Variants in ZNF236 observed in about 807,000 individuals in gnomAD.
The protein encoded by ZNF236 is regulated by glucose.
A neutral mutation model predicts 191.2 loss-of-function variants in ZNF236; 50 were observed. That is an observed-to-expected ratio of 0.26 (90% confidence interval 0.21 to 0.33). The LOEUF is 0.33. ZNF236 is among the 10% of genes least tolerant of loss of function. The probability of loss-of-function intolerance (pLI) is 1.00; values close to 1 mark genes in which losing one functional copy is unlikely to be tolerated. For synonymous variants in ZNF236, 907 were observed against 928.8 expected (o/e 0.98, Z 0.43); for missense variants, 1,754 against 2,374.5 (o/e 0.74, Z 5.43).
Position 76,899,131 on chromosome 18 carries a change from C to G in ZNF236, c.1803C>G (p.His601Gln), listed in dbSNP as rs781604429. Reference sequence around the variant, plus strand: ...ATACGGAATTAAGGAAAATGAGGCACCAGCGTAAACCTGCAAAGGTCCGTG... The same window carrying G: ...ATACGGAATTAAGGAAAATGAGGCAGCAGCGTAAACCTGCAAAGGTCCGTG... Reference protein sequence around the residue: ...FKHTELRKMRHQRKPAKVRVG... With the variant: ...FKHTELRKMRQQRKPAKVRVG... Residue 601 changes from histidine (H) to glutamine (Q), a missense_variant, in exon 11 of 31, where the codon CAC becomes CAG. His to Gln is a conservative substitution (Grantham distance 24). Around this residue, in one of 5 missense-constraint regions of ZNF236, gnomAD observed 641 missense variants for 869.6 expected, o/e 0.74. Transcript: ENST00000320610. 2.5e-6 allele frequency: 4 copies of G among 1,614,030 alleles called. No individual in the cohort carries two copies. In the Admixed American group the frequency reaches 5.0e-5, roughly 20 times the overall value.
intron 26 of ZNF236, among the ~76,000 whole-genome samples, chr18:76,943,566 A>G (rs537147307): frequency 3.4e-4 from 52 of 152,262 alleles, no homozygotes; most frequent in Non-Finnish European, 5.6e-4. Context: ...ATTATTACAG[A>G]TAATTGGTCA....
At chr18:76,847,671 G>A (rs185067898) in intron 1 of ZNF236, among the ~76,000 whole-genome samples, 94 of 152,090 alleles carry the variant, frequency 6.2e-4, no homozygotes, top group Non-Finnish European at 8.4e-4. Context: ...GGGTTTCACC[G>A]TGTTAGCCAG....
chr18:76,892,013 C>CA (rs1257787123), intron 9 of ZNF236, among the ~76,000 whole-genome samples: 1 of 151,778 alleles, frequency 6.6e-6, no homozygotes, highest in Non-Finnish European at 1.5e-5. Flanking sequence ...ACTTTAGTTC[C>CA]AAAAAACAAT....
At chr18:76,824,441 C>T (rs751345882) in intron 1 of ZNF236, 1 of 781,026 alleles carries the variant, frequency 1.3e-6, no homozygotes, top group East Asian at 2.4e-5. Flanking sequence ...CAGCAGTGCT[C>T]AGAATTTTGA....
intron 9 of ZNF236, among the ~76,000 whole-genome samples, chr18:76,889,144 C>T (rs1309023138): frequency 6.6e-6 from 1 of 152,210 alleles, no homozygotes; most frequent in Non-Finnish European, 1.5e-5. Context: ...GCTTTTGCTG[C>T]TGCTTTTATC....
At position 76,875,182 on chromosome 18, in the gene ZNF236, A is replaced by G. The variant is rs1976678994; in HGVS notation, c.668-310A>G. 6.6e-6 allele frequency among the ~76,000 whole-genome samples: 1 copy of G among 152,048 alleles called. No individual in the cohort carries two copies. Among genetic ancestry groups the G allele is most frequent in the Non-Finnish European group, 1.5e-5 (1 of 68,006 alleles). Reference sequence around the variant, plus strand: ...TATTATTGAGTGTGAGACGTGAGAGAAACCAAAGATAAGGATGACTCCAAG... The same window carrying G: ...TATTATTGAGTGTGAGACGTGAGAGGAACCAAAGATAAGGATGACTCCAAG... On this transcript the variant is annotated intron_variant, in intron 5 of 30. Transcript: ENST00000320610. This position sits in a 1 kb window ranked among gnomAD's most constrained non-coding sequence, Gnocchi z 4.3.
chr18:76,962,677 A>G (rs1279937747), intron 30 of ZNF236, among the ~76,000 whole-genome samples: 1 of 152,140 alleles, frequency 6.6e-6, no homozygotes, highest in Non-Finnish European at 1.5e-5. Context: ...TATTGATTCT[A>G]CCCAACCATG....
intron 3 of ZNF236, among the ~76,000 whole-genome samples, chr18:76,859,626 A>C (rs1195254020): frequency 6.6e-6 from 1 of 152,178 alleles, no homozygotes; most frequent in Non-Finnish European, 1.5e-5. Flanking sequence ...CAACCGTGGA[A>C]ACTTAGCTTC....
At chr18:76,938,726 G>T (rs183602643) in intron 26 of ZNF236, among the ~76,000 whole-genome samples, 2 of 152,198 alleles carry the variant, frequency 1.3e-5, no homozygotes, top group South Asian at 4.2e-4. Context: ...TGACCCAGGC[G>T]CACCGCACGC....
chr18:76,862,564 G>C (rs1219109725), intron 3 of ZNF236, among the ~76,000 whole-genome samples: 1 of 152,054 alleles, frequency 6.6e-6, no homozygotes, highest in South Asian at 2.1e-4. Flanking sequence ...TTGGAAGCCC[G>C]GCTTCCATCC....
intron 14 of ZNF236, 104 bp from the exon 15 acceptor site, chr18:76,909,964 T>C (rs1599385333): frequency 2.8e-6 from 2 of 725,044 alleles, no homozygotes; most frequent in East Asian, 2.5e-5. Flanking sequence ...CAAAATAAGG[T>C]GTCTGATATT....
At chr18:76,887,967 A>T (rs1977107293) in intron 9 of ZNF236, 1 of 149,548 alleles carries the variant, frequency 6.7e-6, no homozygotes, top group South Asian at 2.1e-4. Context: ...TTGTATAATG[A>T]TTATTTGGTA....
At chr18:76,857,648 G>C (rs1372953293) in intron 3 of ZNF236, among the ~76,000 whole-genome samples, 1 of 152,176 alleles carries the variant, frequency 6.6e-6, no homozygotes, top group African/African-American at 2.4e-5. Flanking sequence ...ACTTGGAGGA[G>C]AGCCCATCTC....
At chr18:76,840,622 A>ATTTT (rs10659204) in intron 1 of ZNF236, among the ~76,000 whole-genome samples, 12 of 115,478 alleles carry the variant, frequency 1.0e-4, no homozygotes, top group Admixed American at 3.0e-4. Context: ...GTAAAGGTGA[A>ATTTT]TTTTTTTTTT....
At position 76,970,099 on chromosome 18, in the gene ZNF236, TA is replaced by T. The variant is rs1968883880; in HGVS notation, c.*1762del. 1.3e-5 allele frequency: 2 copies of T among 152,816 alleles called. No individual in the cohort carries two copies. The highest frequency in any genetic ancestry group is 1.9e-4 in the East Asian group (1 of 5,192). 9.5% of individuals were successfully genotyped at this position (152,816 alleles called of 1,614,324 possible). A position where few individuals can be genotyped will look rare whatever the true frequency, so the allele number is the denominator to read the frequency against. On this transcript the variant is annotated 3_prime_UTR_variant, in exon 31 of 31. Transcript: ENST00000320610. ...GCTAGAGTTTTAAAGGTTCTGCTTT[TA>T]ATGCACTTTTTATTTTATAATTTTG... is the stretch of plus-strand genomic sequence containing the variant.
chr18:76,956,315 T>A, intron 28 of ZNF236, 133 bp downstream of exon 28: 1 of 979,524 alleles, frequency 1.0e-6, no homozygotes, highest in Non-Finnish European at 1.5e-6. Context: ...AAAAGGTCAC[T>A]AGATGTAGAT....
intron 13 of ZNF236, among the ~76,000 whole-genome samples, chr18:76,907,910 C>T (rs764940208): frequency 1.2e-4 from 18 of 152,078 alleles, no homozygotes; most frequent in Non-Finnish European, 2.4e-4. Context: ...CTGCGCACCA[C>T]GTGTTGTCAG....
intron 25 of ZNF236, among the ~76,000 whole-genome samples, chr18:76,930,394 G>T (rs1355142990): frequency 6.6e-6 from 1 of 152,136 alleles, no homozygotes; most frequent in East Asian, 1.9e-4. Context: ...AAAGTATCTT[G>T]TCTTTACCAA....
At chr18:76,859,256 G>A (rs925109856) in intron 3 of ZNF236, among the ~76,000 whole-genome samples, 3 of 150,754 alleles carry the variant, frequency 2.0e-5, no homozygotes, top group Non-Finnish European at 4.4e-5. Flanking sequence ...GTGGAGGCGG[G>A]TGCAGGTGGA....
Sources: allele counts gnomAD v4.1 joint callset (sites outside exome capture counted in the v4.1 genomes callset), GRCh38; gene constraint gnomAD v4.1.1; regional missense constraint gnomAD v4.1.1; non-coding constraint Gnocchi (gnomAD v3.1); transcripts MANE v1.5; gene names NCBI Gene and HGNC (gene_info 2026-07-23, HGNC 2026-07-21).